The following NT5C3A variants were observed in gnomAD, a reference collection of about 807,000 sequenced individuals.
NT5C3A encodes 5'-nucleotidase, cytosolic IIIA, also known as cytosolic 5'-nucleotidase 3A.
In NT5C3A, 23 loss-of-function variants were observed where a neutral mutation model predicts 40.0. The ratio of observed to expected loss-of-function variants is 0.58; its 90% CI spans 0.41 to 0.81. The LOEUF (loss-of-function observed/expected upper bound fraction) is 0.81. NT5C3A is among the 40% of genes least tolerant of loss of function. The pLI, the probability that NT5C3A is intolerant of heterozygous loss-of-function variation, is 0.00. For missense variants in NT5C3A, 328 were observed against 403.0 expected (o/e 0.81, Z 1.59); for synonymous variants, 130 against 141.4 (o/e 0.92, Z 0.57).
intron 1 of NT5C3A, among the ~76,000 whole-genome samples, chr7:33,037,070 A>G (rs1786647254): frequency 6.6e-6 from 1 of 152,232 alleles, no homozygotes; most frequent in Non-Finnish European, 1.5e-5. Context: ...TCTGCCTCCC[A>G]AAGTGCTGGG....
chr7:33,034,962 T>G (rs1786502008), intron 1 of NT5C3A, among the ~76,000 whole-genome samples: 1 of 152,204 alleles, frequency 6.6e-6, no homozygotes, highest in Non-Finnish European at 1.5e-5. Flanking sequence ...GGAGAACAGA[T>G]GTAATTTCTT....
chr7:33,057,847 T>G (rs1056746771), intron 1 of NT5C3A, among the ~76,000 whole-genome samples: 3 of 152,236 alleles, frequency 2.0e-5, no homozygotes, highest in African/African-American at 7.2e-5. Context: ...CCATTCCATC[T>G]CCCCTATCCT....
intron 1 of NT5C3A, among the ~76,000 whole-genome samples, chr7:33,036,964 G>A (rs959518795): frequency 1.8e-4 from 28 of 151,932 alleles, no homozygotes; most frequent in Admixed American, 1.5e-3. Context: ...GGCGCATGCC[G>A]CCACGCCTGG....
chr7:33,019,751 G>C (rs1785525771), intron 5 of NT5C3A, 27 bp from the exon 6 acceptor site: 1 of 1,214,180 alleles, frequency 8.2e-7, no homozygotes, highest in Non-Finnish European at 1.2e-6. Context: ...AAGGAAAAAA[G>C]ACTATCAATT....
chr7:33,021,913 T>G (rs1785646557), intron 4 of NT5C3A, 140 bp downstream of exon 4: 2 of 652,316 alleles, frequency 3.1e-6, no homozygotes, highest in Non-Finnish European at 5.6e-6. Context: ...ACCTACTATT[T>G]ACTGAGTGCT....
chr7:33,055,468 A>G (rs1383433382), intron 1 of NT5C3A, among the ~76,000 whole-genome samples: 1 of 152,188 alleles, frequency 6.6e-6, no homozygotes, highest in African/African-American at 2.4e-5. Flanking sequence ...CAATCAGAAA[A>G]CAATTCTTCA....
intron 1 of NT5C3A, among the ~76,000 whole-genome samples, chr7:33,057,230 A>G (rs1019584414): frequency 2.0e-5 from 3 of 151,828 alleles, no homozygotes; most frequent in African/African-American, 7.3e-5. Flanking sequence ...TTAACAGTTT[A>G]TTTACTAGGA....
intron 1 of NT5C3A, among the ~76,000 whole-genome samples, chr7:33,061,124 T>C (rs1787756846): frequency 6.6e-6 from 1 of 152,200 alleles, no homozygotes; most frequent in Non-Finnish European, 1.5e-5. Context: ...GACCAATCCA[T>C]AGTTTAAGCA....
intron 7 of NT5C3A, 59 bp from the exon 8 acceptor site, chr7:33,015,929 T>C (rs560153532): frequency 1.7e-6 from 2 of 1,152,148 alleles, no homozygotes; most frequent in Non-Finnish European, 2.6e-6. Flanking sequence ...TGGATTTTCA[T>C]ATTTTGGAGC....
intron 1 of NT5C3A, among the ~76,000 whole-genome samples, chr7:33,051,022 T>C (rs1787343202): frequency 6.6e-6 from 1 of 152,194 alleles, no homozygotes; most frequent in South Asian, 2.1e-4. Flanking sequence ...CATGTCAAGT[T>C]GTTAGGCTGA....
chr7:33,031,166 T>A (rs956467381), intron 1 of NT5C3A, among the ~76,000 whole-genome samples: 1 of 151,730 alleles, frequency 6.6e-6, no homozygotes, highest in African/African-American at 2.4e-5. Context: ...TGGGTGTGGC[T>A]TGGTATCATC....
intron 1 of NT5C3A, among the ~76,000 whole-genome samples, chr7:33,044,431 G>A (rs1232662142): frequency 6.6e-6 from 1 of 152,110 alleles, no homozygotes; most frequent in Admixed American, 6.5e-5. Flanking sequence ...ATGGAAGTAC[G>A]AAGTTGTAAA....
At chr7:33,047,885 G>C (rs980137145) in intron 1 of NT5C3A, among the ~76,000 whole-genome samples, 1 of 152,150 alleles carries the variant, frequency 6.6e-6, no homozygotes, top group Non-Finnish European at 1.5e-5. Flanking sequence ...GCAGTGGTAT[G>C]ATCTTAGCTT....
At chr7:33,038,203 C>T (rs7806813) in intron 1 of NT5C3A, among the ~76,000 whole-genome samples, 110,136 of 151,640 alleles carry the variant, frequency 0.73, 40,182 homozygotes, top group African/African-American at 0.79. Flanking sequence ...GTAGAGTTTA[C>T]AAAAATACCG....
chr7:33,052,939 T>C (rs1157507138), intron 1 of NT5C3A, among the ~76,000 whole-genome samples: 1 of 152,190 alleles, frequency 6.6e-6, no homozygotes, highest in Non-Finnish European at 1.5e-5. Flanking sequence ...TTGAGTACCA[T>C]TGGTGTAAAA....
intron 1 of NT5C3A, among the ~76,000 whole-genome samples, chr7:33,028,037 A>C (rs1415474251): frequency 1.3e-5 from 2 of 152,248 alleles, no homozygotes; most frequent in East Asian, 3.8e-4. Context: ...AAATATTTTA[A>C]ATTTGAAAAG....
chr7:33,021,267 C>T lies in NT5C3A; in HGVS notation c.440+5G>A. The T allele has an allele frequency of 6.2e-7, 1 of 1,612,114 alleles. No homozygotes were observed. Among genetic ancestry groups the T allele is most frequent in the East Asian group, 2.2e-5 (1 of 44,678 alleles). The stretch of plus-strand genomic sequence containing the variant: ...TAATCCTCCTACTGCCTAATATACA[C>T]TTACCATTCCACCATATAAGGGTAC... On this transcript the variant is annotated splice_donor_5th_base_variant and intron_variant, in intron 5 of 8. Coordinates refer to ENST00000610140, the MANE Select transcript of NT5C3A (RefSeq NM_001002010.5).
At chr7:33,036,137 A>G in intron 1 of NT5C3A, 1 of 667,932 alleles carries the variant, frequency 1.5e-6, no homozygotes, top group Non-Finnish European at 2.6e-6. Flanking sequence ...AAAAATGTTT[A>G]TTTTATGTAC....
At chr7:33,049,735 C>T (rs560273774) in intron 1 of NT5C3A, among the ~76,000 whole-genome samples, 24 of 151,856 alleles carry the variant, frequency 1.6e-4, no homozygotes, top group African/African-American at 5.1e-4. Context: ...TTTGGGAGAC[C>T]GAGACAGGCA....
Sources: allele counts gnomAD v4.1 joint callset (sites outside exome capture counted in the v4.1 genomes callset), GRCh38; gene constraint gnomAD v4.1.1; transcripts MANE v1.5; gene names NCBI Gene and HGNC (gene_info 2026-07-23, HGNC 2026-07-21).